Variants in LRRTM4 observed in about 807,000 individuals in gnomAD.
LRRTM4 encodes the protein leucine rich repeat transmembrane neuronal 4, also known as leucine-rich repeat transmembrane neuronal protein 4.
In LRRTM4, 25 loss-of-function variants were observed where a neutral mutation model predicts 47.6. The observed-to-expected ratio is 0.53, with a 90% confidence interval of 0.38 to 0.73. The LOEUF is 0.73. Among genes scored for constraint, LRRTM4 ranks in the 30% least tolerant of loss-of-function variants. The pLI, the probability that LRRTM4 is intolerant of heterozygous loss-of-function variation, is 0.00. For missense variants in LRRTM4, 638 were observed against 713.4 expected (o/e 0.89, Z 1.20); for synonymous variants, 311 against 269.5 (o/e 1.15, Z -1.51).
At chr2:77,418,169 T>C (rs57414331) in intron 3 of LRRTM4, among the ~76,000 whole-genome samples, 7,750 of 152,168 alleles carry the variant, frequency 0.051, 677 homozygotes, top group African/African-American at 0.18. Context: ...CCTAACTAAA[T>C]TTTTGATATT....
intron 3 of LRRTM4, among the ~76,000 whole-genome samples, chr2:77,430,438 T>C (rs567666199): frequency 4.1e-4 from 63 of 152,210 alleles, no homozygotes; most frequent in Non-Finnish European, 6.3e-4. Context: ...TTGACTGGAT[T>C]GGGCCCTGTG....
intron 3 of LRRTM4, among the ~76,000 whole-genome samples, chr2:76,805,349 G>T (rs1675914927): frequency 6.6e-6 from 1 of 152,064 alleles, no homozygotes; most frequent in Non-Finnish European, 1.5e-5. Flanking sequence ...AAGGGATAAT[G>T]GGATAAACCA....
At chr2:76,755,311 T>C (rs1672989040) in intron 3 of LRRTM4, among the ~76,000 whole-genome samples, 1 of 152,154 alleles carries the variant, frequency 6.6e-6, no homozygotes, top group Admixed American at 6.5e-5. Context: ...TTCTGATGAC[T>C]AGAAAACTTA....
At chr2:77,482,575 T>C (rs143929485) in intron 3 of LRRTM4, among the ~76,000 whole-genome samples, 7 of 152,252 alleles carry the variant, frequency 4.6e-5, no homozygotes, top group Admixed American at 4.6e-4. Context: ...AGAAATTTAT[T>C]AAAAGTTTAA....
intron 3 of LRRTM4, among the ~76,000 whole-genome samples, chr2:77,016,519 T>C (rs982015533): frequency 6.6e-6 from 1 of 152,176 alleles, no homozygotes; most frequent in Non-Finnish European, 1.5e-5. Flanking sequence ...TCTGTAAGCC[T>C]ATAATGTATT....
At chr2:76,890,322 A>G (rs1399137205) in intron 3 of LRRTM4, among the ~76,000 whole-genome samples, 2 of 152,016 alleles carry the variant, frequency 1.3e-5, no homozygotes, top group African/African-American at 4.8e-5. Context: ...AAATGCAAAG[A>G]GGGATGTGCC....
intron 3 of LRRTM4, among the ~76,000 whole-genome samples, chr2:77,424,684 C>T (rs77411865): frequency 0.03 from 4,541 of 152,248 alleles, 84 homozygotes; most frequent in Non-Finnish European, 0.044. Flanking sequence ...AATTTGCCAT[C>T]ACAGTTCATA....
chr2:77,462,478 C>G lies in LRRTM4; in HGVS notation c.1551+55840G>C, dbSNP rs79521209. 1.6e-3 allele frequency among the ~76,000 whole-genome samples: 251 copies of G among 152,144 alleles called. 3 individuals are homozygous for G. Among genetic ancestry groups the G allele is most frequent in the African/African-American group, 5.9e-3 (245 of 41,536 alleles). Reference sequence around the variant, plus strand: ...GGAGACCAGCATTCTCTTCAACTTCCTGACACAGCCCCTAATCTCACTCCT... The same window carrying G: ...GGAGACCAGCATTCTCTTCAACTTCGTGACACAGCCCCTAATCTCACTCCT... On this transcript the variant is annotated intron_variant, in intron 3 of 3. Coordinates refer to ENST00000409884, the MANE Select transcript of LRRTM4 (RefSeq NM_001134745.3).
chr2:76,961,928 G>T (rs1257394383), intron 3 of LRRTM4, among the ~76,000 whole-genome samples: 1 of 151,228 alleles, frequency 6.6e-6, no homozygotes, highest in African/African-American at 2.4e-5. Context: ...GGTGATCTTT[G>T]CAATTATGAA....
intron 3 of LRRTM4, among the ~76,000 whole-genome samples, chr2:77,087,117 A>C (rs1375083227): frequency 6.6e-6 from 1 of 152,312 alleles, no homozygotes; most frequent in South Asian, 2.1e-4. Context: ...ATGAAGCAAG[A>C]AGCTTGTTTG....
chr2:76,978,364 A>T (rs1035621024), intron 3 of LRRTM4, among the ~76,000 whole-genome samples: 1 of 152,022 alleles, frequency 6.6e-6, no homozygotes, highest in African/African-American at 2.4e-5. Flanking sequence ...GAAGGATTTT[A>T]TTGCTTAGTT....
At chr2:76,953,210 A>G (rs113715022) in intron 3 of LRRTM4, among the ~76,000 whole-genome samples, 71 of 152,030 alleles carry the variant, frequency 4.7e-4, no homozygotes, top group African/African-American at 1.4e-3. Context: ...AAAAACTTCA[A>G]ACAAGAAGAG....
At chr2:76,904,927 G>A (rs958198422) in intron 3 of LRRTM4, among the ~76,000 whole-genome samples, 1 of 152,204 alleles carries the variant, frequency 6.6e-6, no homozygotes, top group Non-Finnish European at 1.5e-5. Flanking sequence ...TCGGTCTACA[G>A]CTCCCAGTGT....
chr2:76,756,097 G>C (rs753431078), intron 3 of LRRTM4, among the ~76,000 whole-genome samples: 1 of 152,168 alleles, frequency 6.6e-6, no homozygotes, highest in Non-Finnish European at 1.5e-5. Context: ...CACCCCTACA[G>C]ATCATTTTGA....
chr2:77,051,375 G>A (rs1258281486), intron 3 of LRRTM4, among the ~76,000 whole-genome samples: 1 of 152,118 alleles, frequency 6.6e-6, no homozygotes, highest in Non-Finnish European at 1.5e-5. Flanking sequence ...CCAAGTGAGA[G>A]TGAAAGAACT....
intron 3 of LRRTM4, among the ~76,000 whole-genome samples, chr2:76,872,525 G>T (rs1164899570): frequency 6.6e-6 from 1 of 151,796 alleles, no homozygotes; most frequent in African/African-American, 2.4e-5. Context: ...CATGGGTTCT[G>T]CAGGTCAGAG....
intron 3 of LRRTM4, among the ~76,000 whole-genome samples, chr2:76,816,031 C>T (rs982467922): frequency 6.6e-6 from 1 of 151,896 alleles, no homozygotes; most frequent in African/African-American, 2.4e-5. Context: ...AGACTCATGT[C>T]TCTATTTAAT....
At chr2:77,104,305 T>G (rs1196063145) in intron 3 of LRRTM4, among the ~76,000 whole-genome samples, 1 of 152,176 alleles carries the variant, frequency 6.6e-6, no homozygotes, top group East Asian at 1.9e-4. Flanking sequence ...CTTCCAGGCC[T>G]TCCTGCTTCT....
intron 3 of LRRTM4, among the ~76,000 whole-genome samples, chr2:76,976,200 C>T (rs959435147): frequency 1.3e-5 from 2 of 151,662 alleles, no homozygotes; most frequent in Non-Finnish European, 3.0e-5. Context: ...CCTTTGCTTG[C>T]TTATCGTGTC....
Sources: gnomAD v4.1 joint callset for allele counts (sites outside exome capture counted in the v4.1 genomes callset) on GRCh38, gnomAD v4.1.1 for gene constraint, MANE v1.5 for transcripts, NCBI Gene and HGNC (gene_info 2026-07-23, HGNC 2026-07-21) for gene names.